Variants in PHLPP1 observed in about 807,000 individuals in gnomAD.
PHLPP1 encodes PH domain leucine-rich repeat-containing protein phosphatase 1.
PHLPP1 carries 42 observed loss-of-function variants against 117.2 expected under a neutral mutation model. That is an observed-to-expected ratio of 0.36 (90% confidence interval 0.28 to 0.46). The LOEUF (loss-of-function observed/expected upper bound fraction) is 0.46, where lower values mean the gene tolerates loss of function less well. PHLPP1 is among the 20% of genes least tolerant of loss of function. The pLI is 1.00. For missense variants in PHLPP1, 2,084 were observed against 2,241.9 expected (o/e 0.93, Z 1.42); for synonymous variants, 1,042 against 970.7 (o/e 1.07, Z -1.37).
At chr18:62,877,511 A>G (rs146795666) in intron 4 of PHLPP1, among the ~76,000 whole-genome samples, 51 of 152,354 alleles carry the variant, frequency 3.3e-4, no homozygotes, top group African/African-American at 1.2e-3. Context: ...AACAGCACAA[A>G]TGCTGCTCAG....
At chr18:62,857,187 T>C (rs778780348) in intron 3 of PHLPP1, among the ~76,000 whole-genome samples, 3 of 152,174 alleles carry the variant, frequency 2.0e-5, no homozygotes, top group Non-Finnish European at 2.9e-5. Context: ...AGCAAACCCT[T>C]GGTGGCTTAA....
At chr18:62,751,687 A>G (rs749116610) in intron 1 of PHLPP1, among the ~76,000 whole-genome samples, 12 of 152,134 alleles carry the variant, frequency 7.9e-5, no homozygotes, top group Non-Finnish European at 1.6e-4. Flanking sequence ...GCCAGGCCCT[A>G]TTCATGGTGT....
At chr18:62,787,031 A>C (rs955507114) in intron 1 of PHLPP1, among the ~76,000 whole-genome samples, 2 of 152,040 alleles carry the variant, frequency 1.3e-5, no homozygotes, top group Non-Finnish European at 2.9e-5. Flanking sequence ...GCATTCATTC[A>C]TTTATTTATT....
chr18:62,796,344 T>C (rs892325172), intron 1 of PHLPP1, among the ~76,000 whole-genome samples: 2 of 152,184 alleles, frequency 1.3e-5, no homozygotes, highest in African/African-American at 4.8e-5. Flanking sequence ...GAGAGGTCAG[T>C]AGAGAGAGTA....
chr18:62,747,397 C>G (rs1014136160), intron 1 of PHLPP1, among the ~76,000 whole-genome samples: 1 of 151,350 alleles, frequency 6.6e-6, no homozygotes, highest in Non-Finnish European at 1.5e-5. Flanking sequence ...CGATTCTCAG[C>G]CTCCCAAAAT....
intron 4 of PHLPP1, among the ~76,000 whole-genome samples, chr18:62,873,401 C>T (rs540646922): frequency 6.6e-6 from 1 of 152,280 alleles, no homozygotes; most frequent in African/African-American, 2.4e-5. Context: ...TTAAAATACA[C>T]TTAAATTGTT....
At chr18:62,735,190 G>T (rs550623462) in intron 1 of PHLPP1, among the ~76,000 whole-genome samples, 120 of 152,102 alleles carry the variant, frequency 7.9e-4, no homozygotes, top group African/African-American at 2.6e-3. Flanking sequence ...GACTACAGGT[G>T]CATGCCACCT....
intron 4 of PHLPP1, among the ~76,000 whole-genome samples, chr18:62,894,189 G>A (rs898201062): frequency 2.0e-5 from 3 of 152,132 alleles, no homozygotes; most frequent in Non-Finnish European, 4.4e-5. Flanking sequence ...TATTGAGATC[G>A]ACGAATGATA....
intron 1 of PHLPP1, among the ~76,000 whole-genome samples, chr18:62,730,976 A>G (rs1911209800): frequency 6.6e-6 from 1 of 152,198 alleles, no homozygotes. Flanking sequence ...GATGGGATCT[A>G]CTGTTGTTGG....
At chr18:62,972,053 A>G (rs1911064784) in intron 14 of PHLPP1, among the ~76,000 whole-genome samples, 1 of 152,200 alleles carries the variant, frequency 6.6e-6, no homozygotes, top group Non-Finnish European at 1.5e-5. Flanking sequence ...AATAAAAATA[A>G]AAATAATTTT....
At chr18:62,738,376 C>T (rs1050608604) in intron 1 of PHLPP1, among the ~76,000 whole-genome samples, 1 of 151,862 alleles carries the variant, frequency 6.6e-6, no homozygotes, top group Non-Finnish European at 1.5e-5. Flanking sequence ...AACCCCAAAA[C>T]AAAGCAACAA....
At chr18:62,802,759 C>T (rs904655525) in intron 1 of PHLPP1, among the ~76,000 whole-genome samples, 18 of 151,516 alleles carry the variant, frequency 1.2e-4, no homozygotes, top group African/African-American at 4.1e-4. Context: ...GAGCGTGGAA[C>T]TTACTTGGGC....
chr18:62,719,658 C>T (rs1222831483), intron 1 of PHLPP1, among the ~76,000 whole-genome samples: 1 of 152,096 alleles, frequency 6.6e-6, no homozygotes, highest in Non-Finnish European at 1.5e-5. Flanking sequence ...AAATTCTGTA[C>T]CCCATTGGTA....
chr18:62,914,336 G>GC (rs1468935900), intron 8 of PHLPP1, among the ~76,000 whole-genome samples: 2 of 152,094 alleles, frequency 1.3e-5, no homozygotes, highest in Non-Finnish European at 2.9e-5. Flanking sequence ...ACTTGGCATA[G>GC]GTCTATAGAC....
At chr18:62,769,846 T>C (rs1410376909) in intron 1 of PHLPP1, among the ~76,000 whole-genome samples, 2 of 152,236 alleles carry the variant, frequency 1.3e-5, no homozygotes, top group African/African-American at 4.8e-5. Context: ...TGATTCCATA[T>C]TTCAAATACA....
rs78509596 is a variant in PHLPP1, at chr18:62,826,374, G to A, written c.1577-3661G>A. ...TCACAAAATATAAGCATCTATTTGT[G>A]GTTGCGGAAGTGCAGGTCTCAGGCC... On this transcript the variant is annotated intron_variant, in intron 1 of 16. Coordinates refer to ENST00000262719, the MANE Select transcript of PHLPP1 (RefSeq NM_194449.4). 1,548 of 280,032 alleles carry A rather than the reference G, an allele frequency of 5.5e-3. 27 individuals are homozygous for A. Among genetic ancestry groups the A allele is most frequent in the African/African-American group, 0.032 (1,464 of 45,184 alleles). The allele number at this position is 280,032 out of a possible 1,614,324, so 17.3% of individuals were successfully genotyped here. A position where few individuals can be genotyped will look rare whatever the true frequency, so the allele number is the denominator to read the frequency against.
intron 1 of PHLPP1, among the ~76,000 whole-genome samples, chr18:62,745,785 T>C (rs187931041): frequency 6.6e-6 from 1 of 152,340 alleles, no homozygotes; most frequent in East Asian, 1.9e-4. Context: ...AGTGACTGAA[T>C]TGAAAAAAGT....
intron 10 of PHLPP1, among the ~76,000 whole-genome samples, chr18:62,937,710 C>G (rs1296625685): frequency 1.3e-5 from 2 of 152,076 alleles, no homozygotes; most frequent in East Asian, 3.9e-4. Flanking sequence ...ATGGAAAAAT[C>G]AAATGAGATA....
intron 3 of PHLPP1, among the ~76,000 whole-genome samples, chr18:62,852,276 A>G (rs930368720): frequency 2.0e-5 from 3 of 152,216 alleles, no homozygotes; most frequent in South Asian, 2.1e-4. Flanking sequence ...TTTCATAAGT[A>G]TAAAACTGGT....
Sources: gnomAD v4.1 joint callset for allele counts (sites outside exome capture counted in the v4.1 genomes callset) on GRCh38, gnomAD v4.1.1 for gene constraint, MANE v1.5 for transcripts, NCBI Gene and HGNC (gene_info 2026-07-23, HGNC 2026-07-21) for gene names.